The following CSMD1 variants were observed in gnomAD, a reference collection of about 807,000 sequenced individuals.
CSMD1 encodes the protein CUB and sushi domain-containing protein 1.
CSMD1 carries 213 observed loss-of-function variants against 417.5 expected under a neutral mutation model. The ratio of observed to expected loss-of-function variants is 0.51; its 90% CI spans 0.46 to 0.57. The LOEUF is 0.57. Among genes scored for constraint, CSMD1 ranks in the 20% least tolerant of loss-of-function variants. CSMD1 has a pLI of 0.00. For missense variants in CSMD1, 6,923 were observed against 4,529.7 expected, an observed-to-expected ratio of 1.53 and a Z score of -15.17; for synonymous variants, 2,862 against 1,736.8, an observed-to-expected ratio of 1.65 and a Z score of -16.11.
At chr8:3,917,392 A>G (rs1240075703) in intron 5 of CSMD1, among the ~76,000 whole-genome samples, 2 of 145,266 alleles carry the variant, frequency 1.4e-5, no homozygotes, top group Non-Finnish European at 3.0e-5. Flanking sequence ...CCTCTACAGG[A>G]GTTTGGGTTT....
At chr8:4,190,927 G>T (rs763996265) in intron 3 of CSMD1, among the ~76,000 whole-genome samples, 1 of 146,024 alleles carries the variant, frequency 6.8e-6, no homozygotes, top group African/African-American at 2.6e-5. Context: ...ATAGGTGAAC[G>T]ACACAAACTG....
At chr8:4,638,213 A>C (rs889433279) in intron 1 of CSMD1, among the ~76,000 whole-genome samples, 1 of 152,162 alleles carries the variant, frequency 6.6e-6, no homozygotes, top group African/African-American at 2.4e-5. Context: ...CATGCTTAAA[A>C]CACTCCACCC....
At chr8:4,841,669 G>T (rs917615176) in intron 1 of CSMD1, among the ~76,000 whole-genome samples, 9 of 152,204 alleles carry the variant, frequency 5.9e-5, no homozygotes, top group Non-Finnish European at 1.2e-4. Flanking sequence ...CCAGCCGTTT[G>T]GGAGGCTGAG....
In CSMD1 at chr8:4,407,709, T is replaced by C. The variant is rs74842569; in HGVS notation, c.415+12244A>G. On this transcript the variant is annotated intron_variant, in intron 3 of 69. Coordinates refer to ENST00000635120, the MANE Select transcript of CSMD1 (RefSeq NM_033225.6). ...AATTTGTTATCACGATATTCATAAA[T>C]AGCTGTAGTTTTTCCATGATTCATG... Among the ~76,000 whole-genome samples, 1,010 of 152,344 alleles carry C rather than the reference T, an allele frequency of 6.6e-3. 7 individuals carry two copies. Among genetic ancestry groups the C allele is most frequent in the Middle Eastern group, 0.014 (4 of 294 alleles).
rs530857066 is a variant in CSMD1 at position 3,967,422 on chromosome 8, C to T, written c.818+30481G>A. 6.9e-4 allele frequency among the ~76,000 whole-genome samples: 104 copies of T among 150,710 alleles called. 1 individual carries two copies. Among genetic ancestry groups the T allele is most frequent in the African/African-American group, 2.4e-3 (100 of 40,864 alleles). On this transcript the variant is annotated intron_variant, in intron 5 of 69. Coordinates refer to ENST00000635120, the MANE Select transcript of CSMD1 (RefSeq NM_033225.6). The stretch of plus-strand genomic sequence containing the variant: ...GTCATTCAACCTGTATCACCTGATG[C>T]TTTCAAAGTCCTCATTCAGGATCTT...
At chr8:4,131,952 G>A (rs1488199082) in intron 3 of CSMD1, among the ~76,000 whole-genome samples, 1 of 151,850 alleles carries the variant, frequency 6.6e-6, no homozygotes. Context: ...TTTTAGTAGA[G>A]ACCGGCTTTC....
intron 3 of CSMD1, among the ~76,000 whole-genome samples, chr8:4,034,936 G>T (rs916622244): frequency 1.3e-5 from 2 of 152,122 alleles, no homozygotes; most frequent in African/African-American, 4.8e-5. Flanking sequence ...CACGGAAAAT[G>T]CAAATGAAAC....
intron 3 of CSMD1, among the ~76,000 whole-genome samples, chr8:4,218,870 T>A (rs1250654290): frequency 6.6e-6 from 1 of 152,204 alleles, no homozygotes; most frequent in Non-Finnish European, 1.5e-5. Flanking sequence ...CATCACCTCC[T>A]ATTTTCATAG....
chr8:4,676,198 A>G (rs1805670377), intron 1 of CSMD1, among the ~76,000 whole-genome samples: 2 of 152,152 alleles, frequency 1.3e-5, no homozygotes, highest in African/African-American at 4.8e-5. Flanking sequence ...CTAGGCATTG[A>G]ATAGTTTTGT....
chr8:3,188,509 G>A (rs1023804517), intron 35 of CSMD1, among the ~76,000 whole-genome samples: 2 of 151,656 alleles, frequency 1.3e-5, no homozygotes, highest in Admixed American at 1.3e-4. Flanking sequence ...GTTTCACCAT[G>A]TTGGCCAGGC....
rs559269612 is a variant in CSMD1, at chr8:2,949,884, C to T, written c.10314+347G>A. 9.9e-5 allele frequency among the ~76,000 whole-genome samples: 15 copies of T among 152,186 alleles called. 1 individual carries two copies. The Middle Eastern group carries it at 0.014, about 138-fold the overall frequency. ...TATCTGGGAATGATTTCTTTTAGAA[C>T]GAGCAGCGTGGTTATCAAGCGGTCT... On this transcript the variant is annotated intron_variant, in intron 67 of 69. Transcript: ENST00000635120.
At chr8:4,462,843 A>G (rs1799919427) in intron 2 of CSMD1, among the ~76,000 whole-genome samples, 1 of 152,102 alleles carries the variant, frequency 6.6e-6, no homozygotes, top group African/African-American at 2.4e-5. Context: ...CCCAAATGTA[A>G]GAAGTGCAGC....
chr8:3,450,290 T>C (rs1473610349), intron 12 of CSMD1, among the ~76,000 whole-genome samples: 4 of 151,304 alleles, frequency 2.6e-5, no homozygotes, highest in Non-Finnish European at 5.9e-5. Flanking sequence ...CCCATACACA[T>C]GGTTGCATAC....
intron 54 of CSMD1, among the ~76,000 whole-genome samples, chr8:2,981,226 G>T (rs1266505154): frequency 6.6e-6 from 1 of 152,212 alleles, no homozygotes; most frequent in African/African-American, 2.4e-5. Context: ...AGAAGAGTTT[G>T]TTAGTGACCA....
intron 10 of CSMD1, among the ~76,000 whole-genome samples, chr8:3,565,122 G>A (rs1314907414): frequency 6.0e-5 from 2 of 33,272 alleles, no homozygotes; most frequent in African/African-American, 1.9e-4. Context: ...ACTCTGTAGT[G>A]CAAGACAGCA....
At chr8:3,504,424 C>A (rs985619397) in intron 10 of CSMD1, among the ~76,000 whole-genome samples, 20 of 152,210 alleles carry the variant, frequency 1.3e-4, no homozygotes, top group African/African-American at 4.6e-4. Flanking sequence ...TTCAAGAATG[C>A]AGTGCAAGCA....
chr8:4,638,555 T>C (rs770543405), intron 1 of CSMD1, among the ~76,000 whole-genome samples: 3 of 152,078 alleles, frequency 2.0e-5, no homozygotes, highest in Non-Finnish European at 4.4e-5. Context: ...CAGGCAGGAC[T>C]TAGGAGGTGG....
intron 11 of CSMD1, among the ~76,000 whole-genome samples, chr8:3,471,580 C>CTCCT (rs113536368): frequency 0.25 from 33,391 of 134,766 alleles, 4,419 homozygotes; most frequent in Middle Eastern, 0.28. Context: ...TTCTTCCTCT[C>CTCCT]TCCTTCCTTC....
intron 6 of CSMD1, among the ~76,000 whole-genome samples, chr8:3,709,573 G>T (rs903842671): frequency 2.0e-5 from 3 of 151,866 alleles, no homozygotes; most frequent in African/African-American, 7.3e-5. Context: ...CCCAGTGTGG[G>T]TGGGCCTGGT....
Sources: allele counts gnomAD v4.1 joint callset (sites outside exome capture counted in the v4.1 genomes callset), GRCh38; gene constraint gnomAD v4.1.1; transcripts MANE v1.5; gene names NCBI Gene and HGNC (gene_info 2026-07-23, HGNC 2026-07-21).